TTC28: variants seen among roughly 807,000 people sequenced by gnomAD.
The protein encoded by TTC28 is tetratricopeptide repeat protein 28.
Under a neutral mutation model 198.0 loss-of-function variants are expected in TTC28, and 61 were observed. The observed-to-expected ratio is 0.31, with a 90% CI of 0.25 to 0.38. The LOEUF (loss-of-function observed/expected upper bound fraction) is 0.38. Among genes scored for constraint, TTC28 ranks in the 10% least tolerant of loss-of-function variants. TTC28 has a pLI of 1.00. For synonymous variants in TTC28, 1,171 were observed against 1,297.8 expected (o/e 0.90, Z 2.10); for missense variants, 2,678 against 3,164.0 (o/e 0.85, Z 3.69).
At chr22:28,086,327 T>C in intron 12 of TTC28, among the ~76,000 whole-genome samples, 1 of 152,136 alleles carries the variant, frequency 6.6e-6, no homozygotes, top group Non-Finnish European at 1.5e-5. Context: ...CAGACCACAG[T>C]GCAATCAAAC....
intron 1 of TTC28, among the ~76,000 whole-genome samples, chr22:28,637,669 T>G (rs1001863842): frequency 1.3e-5 from 2 of 152,100 alleles, no homozygotes; most frequent in East Asian, 3.8e-4. Context: ...CAATAATTAC[T>G]TTAAGTGTAA....
intron 13 of TTC28, among the ~76,000 whole-genome samples, chr22:28,015,056 C>T (rs951713678): frequency 2.0e-5 from 3 of 152,200 alleles, no homozygotes; most frequent in Non-Finnish European, 4.4e-5. Flanking sequence ...CATTTTCAAC[C>T]CCAAGGACCC....
intron 12 of TTC28, among the ~76,000 whole-genome samples, chr22:28,084,845 T>C (rs533349956): frequency 6.6e-6 from 1 of 152,182 alleles, no homozygotes; most frequent in African/African-American, 2.4e-5. Flanking sequence ...AACCATGGCA[T>C]GAGAACTACG....
chr22:28,427,543 T>A (rs2146192096), intron 2 of TTC28, among the ~76,000 whole-genome samples: 1 of 152,216 alleles, frequency 6.6e-6, no homozygotes, highest in East Asian at 1.9e-4. Flanking sequence ...TCCCAGCTAC[T>A]TCGGAAGCAC....
intron 2 of TTC28, among the ~76,000 whole-genome samples, chr22:28,608,125 C>T (rs542252228): frequency 3.2e-4 from 48 of 152,294 alleles, no homozygotes; most frequent in Non-Finnish European, 6.6e-4. Flanking sequence ...AAAGAAACAG[C>T]TGAGTCTCAG....
intron 6 of TTC28, among the ~76,000 whole-genome samples, chr22:28,110,816 T>C (rs1257515375): frequency 6.6e-6 from 1 of 151,938 alleles, no homozygotes; most frequent in Non-Finnish European, 1.5e-5. Flanking sequence ...GAGCCTGTAG[T>C]CCCAGCTACT....
At chr22:28,162,975 A>T (rs1921399197) in intron 6 of TTC28, 117 bp downstream of exon 6, 1 of 1,303,638 alleles carries the variant, frequency 7.7e-7, no homozygotes, top group South Asian at 1.6e-5. Context: ...GAGCACACAC[A>T]ATAAGGATAT....
intron 1 of TTC28, among the ~76,000 whole-genome samples, chr22:28,654,773 T>C (rs1320371711): frequency 6.6e-6 from 1 of 152,186 alleles, no homozygotes; most frequent in Admixed American, 6.5e-5. Flanking sequence ...AAGTGGGAAA[T>C]GTTTCCTTAA....
At position 28,276,998 on chromosome 22, in the gene TTC28, A is replaced by C. The variant is rs1053158571; in HGVS notation, c.933+19200T>G. 2.0e-5 allele frequency among the ~76,000 whole-genome samples: 3 copies of C among 152,174 alleles called. No homozygotes were observed. In the East Asian group the frequency reaches 5.8e-4, roughly 29 times the overall value. On this transcript the variant is annotated intron_variant, in intron 5 of 22. Coordinates refer to ENST00000397906, the MANE Select transcript of TTC28 (RefSeq NM_001145418.2). ...TCCTAAAAAATAGTTAAAAAGTAAAATTTAGACTCAATTACCACAAATTCT... is the reference window on the plus strand; with the variant it reads ...TCCTAAAAAATAGTTAAAAAGTAAACTTTAGACTCAATTACCACAAATTCT...
chr22:28,506,319 G>C (rs1483071358), intron 2 of TTC28, among the ~76,000 whole-genome samples: 1 of 151,376 alleles, frequency 6.6e-6, no homozygotes, highest in Non-Finnish European at 1.5e-5. Context: ...CTTTAATTGC[G>C]ACCCTGACCC....
At chr22:28,044,949 A>G (rs1939804316) in intron 12 of TTC28, among the ~76,000 whole-genome samples, 1 of 152,208 alleles carries the variant, frequency 6.6e-6, no homozygotes, top group South Asian at 2.1e-4. Context: ...CAAATCCATA[A>G]ATAGGTTTCA....
At chr22:28,523,080 A>C (rs1463600960) in intron 2 of TTC28, among the ~76,000 whole-genome samples, 1 of 152,206 alleles carries the variant, frequency 6.6e-6, no homozygotes. Flanking sequence ...AAAAAAAGTA[A>C]AACAAAACCC....
At chr22:28,496,864 C>A (rs902228450) in intron 2 of TTC28, among the ~76,000 whole-genome samples, 1 of 152,078 alleles carries the variant, frequency 6.6e-6, no homozygotes, top group Non-Finnish European at 1.5e-5. Flanking sequence ...ACCCTTGGTC[C>A]TCCTCCTCAC....
At chr22:28,536,420 C>A (rs1029938171) in intron 2 of TTC28, among the ~76,000 whole-genome samples, 5 of 151,458 alleles carry the variant, frequency 3.3e-5, no homozygotes, top group Admixed American at 2.6e-4. Flanking sequence ...GTCAGGAGAT[C>A]GAGACCATCC....
At chr22:28,166,408 G>T (rs1371607639) in intron 5 of TTC28, among the ~76,000 whole-genome samples, 4 of 152,098 alleles carry the variant, frequency 2.6e-5, no homozygotes, top group Non-Finnish European at 4.4e-5. Context: ...TTCCAAAATT[G>T]ACCACATGGT....
intron 12 of TTC28, among the ~76,000 whole-genome samples, chr22:28,035,693 T>C (rs976899708): frequency 1.3e-5 from 2 of 152,186 alleles, no homozygotes; most frequent in Non-Finnish European, 2.9e-5. Flanking sequence ...ACATGAGACT[T>C]TGGGAACTCT....
intron 5 of TTC28, among the ~76,000 whole-genome samples, chr22:28,285,601 T>C (rs2044669452): frequency 2.0e-5 from 3 of 152,240 alleles, no homozygotes; most frequent in South Asian, 2.1e-4. Context: ...CTAAGTATGA[T>C]ACTTAATTGT....
At chr22:28,537,015 C>T (rs1225041845) in intron 2 of TTC28, among the ~76,000 whole-genome samples, 5 of 151,700 alleles carry the variant, frequency 3.3e-5, no homozygotes, top group South Asian at 4.2e-4. Flanking sequence ...ACAAATTGGC[C>T]GGGCGCGGTG....
intron 3 of TTC28, among the ~76,000 whole-genome samples, chr22:28,299,638 T>C (rs978723010): frequency 5.3e-5 from 8 of 152,206 alleles, no homozygotes; most frequent in Admixed American, 4.6e-4. Flanking sequence ...CTGATGAGTT[T>C]GGTAGTCAAT....
Sources: allele counts gnomAD v4.1 joint callset (sites outside exome capture counted in the v4.1 genomes callset), GRCh38; gene constraint gnomAD v4.1.1; transcripts MANE v1.5; gene names NCBI Gene and HGNC (gene_info 2026-07-23, HGNC 2026-07-21).